Variants in BTF3L4 observed in about 807,000 individuals in gnomAD.
BTF3L4 encodes the protein basic transcription factor 3 like 4.
BTF3L4 carries 6 observed loss-of-function variants against 16.8 expected under a neutral mutation model. The ratio of observed to expected loss-of-function variants is 0.36; its 90% CI spans 0.20 to 0.71. The LOEUF is 0.71. Among genes scored for constraint, BTF3L4 ranks in the 30% least tolerant of loss-of-function variants. The pLI is 0.58. For synonymous variants in BTF3L4, 39 were observed against 59.8 expected (o/e 0.65, Z 1.60); for missense variants, 92 against 186.9 (o/e 0.49, Z 2.96).
chr1:52,061,742 G>A (rs1299903682), intron 2 of BTF3L4, among the ~76,000 whole-genome samples: 4 of 148,192 alleles, frequency 2.7e-5, no homozygotes, highest in African/African-American at 9.9e-5. Flanking sequence ...CTGGATTCAG[G>A]CAATTCTCCT....
rs1010231929 is a variant in BTF3L4, at chr1:52,089,347, A to G, written c.*2589A>G. 2.6e-5 allele frequency: 4 copies of G among 151,848 alleles called. No homozygotes were observed. The highest frequency in any genetic ancestry group is 2.9e-5 in the Non-Finnish European group (2 of 67,960). 9.4% of individuals were successfully genotyped at this position (151,848 alleles called of 1,614,324 possible). A position where few individuals can be genotyped will look rare whatever the true frequency, so the allele number is the denominator to read the frequency against. On this transcript the variant is annotated 3_prime_UTR_variant, in exon 6 of 6. Coordinates refer to ENST00000313334, the MANE Select transcript of BTF3L4 (RefSeq NM_152265.5). ...ATGAGCCAATATTCTTTTTTGTTCTATATTTTTGTATCTTCCCCTTTCCTG... is the reference window on the plus strand; with the variant it reads ...ATGAGCCAATATTCTTTTTTGTTCTGTATTTTTGTATCTTCCCCTTTCCTG...
At position 52,060,471 on chromosome 1, in the gene BTF3L4, A is replaced by G. The variant is rs571771361; in HGVS notation, c.54+570A>G. ...TACCTGTTCTTCCATGTTGGTGAAT[A>G]TGAATATCAGCTTTCTTATTCCCTG... is the stretch of plus-strand genomic sequence containing the variant. On this transcript the variant is annotated intron_variant, in intron 2 of 5. Coordinates refer to ENST00000313334, the MANE Select transcript of BTF3L4 (RefSeq NM_152265.5). 37 of 1,271,208 alleles carry G rather than the reference A, an allele frequency of 2.9e-5. No individual in the cohort carries two copies. In the South Asian group the frequency reaches 4.2e-4, roughly 14 times the overall value. The allele number at this position is 1,271,208 out of a possible 1,614,324, so 78.7% of individuals were successfully genotyped here.
chr1:52,062,089 A>G (rs1019666075), intron 2 of BTF3L4, among the ~76,000 whole-genome samples: 4 of 151,204 alleles, frequency 2.6e-5, no homozygotes, highest in Admixed American at 6.6e-5. Context: ...GGCACCCGCC[A>G]GCATGCCCGG....
At chr1:52,073,491 C>CT (rs1558007701) in intron 3 of BTF3L4, among the ~76,000 whole-genome samples, 2 of 76,716 alleles carry the variant, frequency 2.6e-5, no homozygotes, top group East Asian at 4.5e-4. Flanking sequence ...ATATATGCTA[C>CT]ATACACACAC....
intron 3 of BTF3L4, among the ~76,000 whole-genome samples, chr1:52,075,563 AAT>A (rs1372245471): frequency 1.4e-5 from 2 of 147,284 alleles, no homozygotes; most frequent in African/African-American, 4.9e-5. Flanking sequence ...TAATAAATAA[AAT>A]ATATTTTAAA....
chr1:52,080,837 T>C (rs12029020), intron 3 of BTF3L4, among the ~76,000 whole-genome samples: 1 of 2,678 alleles, frequency 3.7e-4, no homozygotes, highest in South Asian at 0.036. Context: ...CTCGGCCTTC[T>C]TTTTTTTTTT....
intron 3 of BTF3L4, among the ~76,000 whole-genome samples, chr1:52,074,760 C>T (rs1003034110): frequency 2.6e-5 from 4 of 152,174 alleles, no homozygotes; most frequent in Non-Finnish European, 5.9e-5. Context: ...CCACCTGCCT[C>T]AGCTTCCCAA....
intron 1 of BTF3L4, 107 bp from the exon 2 acceptor site, chr1:52,059,728 T>A: frequency 2.6e-6 from 2 of 765,210 alleles, no homozygotes. Flanking sequence ...ATGGTCATGG[T>A]GTTGATGCAT....
At chr1:52,080,833 CTTCT>C (rs1643913383) in intron 3 of BTF3L4, among the ~76,000 whole-genome samples, 1 of 122,862 alleles carries the variant, frequency 8.1e-6, no homozygotes, top group Non-Finnish European at 1.6e-5. Flanking sequence ...TGCGCTCGGC[CTTCT>C]TTTTTTTTTT....
At chr1:52,064,698 CATT>C (rs1298908846) in intron 2 of BTF3L4, 124 bp from the exon 3 acceptor site, 100 of 555,312 alleles carry the variant, frequency 1.8e-4, no homozygotes, top group Non-Finnish European at 2.5e-4. Context: ...AGTCTTATAA[CATT>C]AATCATTATT....
chr1:52,085,991 C>T, intron 4 of BTF3L4, 121 bp from the exon 5 acceptor site: 1 of 516,508 alleles, frequency 1.9e-6, no homozygotes. Flanking sequence ...TTTAGATTGA[C>T]AATATTTAGC....
At chr1:52,056,830 A>G (rs1686373336) in intron 1 of BTF3L4, among the ~76,000 whole-genome samples, 1 of 152,176 alleles carries the variant, frequency 6.6e-6, no homozygotes, top group South Asian at 2.1e-4. Flanking sequence ...AGCACTCTTC[A>G]CCTTGTAATG....
intron 2 of BTF3L4, among the ~76,000 whole-genome samples, chr1:52,063,097 A>G (rs1444391464): frequency 6.6e-6 from 1 of 152,018 alleles, no homozygotes; most frequent in Non-Finnish European, 1.5e-5. Flanking sequence ...GGGGTTGGGG[A>G]CCTCTATTAT....
At chr1:52,059,727 G>A (rs893896491) in intron 1 of BTF3L4, 108 bp from the exon 2 acceptor site, 1 of 756,134 alleles carries the variant, frequency 1.3e-6, no homozygotes, top group African/African-American at 1.7e-5. Context: ...TATGGTCATG[G>A]TGTTGATGCA....
chr1:52,056,877 C>T (rs573307344), intron 1 of BTF3L4, among the ~76,000 whole-genome samples: 69 of 152,348 alleles, frequency 4.5e-4, no homozygotes, highest in African/African-American at 1.6e-3. Context: ...CCTTGCCCAT[C>T]TTTATAACCC....
chr1:52,080,468 A>G (rs953947399), intron 3 of BTF3L4, among the ~76,000 whole-genome samples: 32 of 149,312 alleles, frequency 2.1e-4, no homozygotes, highest in African/African-American at 7.2e-4. Context: ...TCAGATTCCA[A>G]TATTTGAGAC....
intron 3 of BTF3L4, among the ~76,000 whole-genome samples, chr1:52,066,520 AACC>A: frequency 6.7e-6 from 1 of 148,744 alleles, no homozygotes; most frequent in East Asian, 2.1e-4. Context: ...CTGTGATGGT[AACC>A]AAAGTTTACG....
rs181294112 is a variant in BTF3L4, at chr1:52,077,500, G to A, written c.169-5840G>A. 3.9e-4 allele frequency among the ~76,000 whole-genome samples: 59 copies of A among 152,328 alleles called. 1 individual carries two copies. The highest frequency in any genetic ancestry group is 1.3e-3 in the African/African-American group (56 of 41,556). On this transcript the variant is annotated intron_variant, in intron 3 of 5. Coordinates refer to ENST00000313334, the MANE Select transcript of BTF3L4 (RefSeq NM_152265.5). ...GATGTTGCAGTGAGCAGAGGTTGAA[G>A]TGAGCCGAGATTGCGCCATTGCACT...
chr1:52,064,302 TG>T lies in BTF3L4; in HGVS notation c.55-522del, dbSNP rs758702010. On this transcript the variant is annotated intron_variant, in intron 2 of 5. Transcript: ENST00000313334. Reference sequence around the variant, plus strand: ...AGTCATTCTTGCTGTGCTCTAGTTTTGCTTTTTTCTTAATAGTACTTAATCC... The same window carrying T: ...AGTCATTCTTGCTGTGCTCTAGTTTTCTTTTTTCTTAATAGTACTTAATCC... Among the ~76,000 whole-genome samples the T allele has an allele frequency of 7.5e-4, 114 of 152,350 alleles. 1 individual carries two copies. The highest frequency in any genetic ancestry group is 1.2e-3 in the Non-Finnish European group (80 of 68,038).
Sources: allele counts gnomAD v4.1 joint callset (sites outside exome capture counted in the v4.1 genomes callset), GRCh38; gene constraint gnomAD v4.1.1; transcripts MANE v1.5; gene names NCBI Gene and HGNC (gene_info 2026-07-23, HGNC 2026-07-21).